The following CDKAL1 variants were observed in gnomAD, a reference collection of about 807,000 sequenced individuals.
CDKAL1 encodes the protein CDKAL1 threonylcarbamoyladenosine tRNA methylthiotransferase, also known as threonylcarbamoyladenosine tRNA methylthiotransferase.
A neutral mutation model predicts 68.2 loss-of-function variants in CDKAL1; 32 were observed. The observed-to-expected ratio is 0.47, with a 90% CI of 0.35 to 0.63. The LOEUF (loss-of-function observed/expected upper bound fraction) is 0.63, where lower values mean the gene tolerates loss of function less well. Ranked by LOEUF, CDKAL1 falls within the 30% of genes least tolerant of loss-of-function variation. CDKAL1 has a pLI of 0.00. For synonymous variants in CDKAL1, 234 were observed against 244.3 expected (o/e 0.96, Z 0.39); for missense variants, 606 against 696.7 (o/e 0.87, Z 1.47).
intron 8 of CDKAL1, among the ~76,000 whole-genome samples, chr6:20,783,536 A>G (rs1230287578): frequency 6.6e-6 from 1 of 152,156 alleles, no homozygotes; most frequent in Non-Finnish European, 1.5e-5. Context: ...GCCTCCCTGT[A>G]GGTTGAAGGG....
chr6:21,200,503 A>G (rs1005695647), intron 14 of CDKAL1, among the ~76,000 whole-genome samples: 5 of 152,222 alleles, frequency 3.3e-5, no homozygotes, highest in Admixed American at 3.3e-4. Flanking sequence ...GCACGGACAC[A>G]AACACGCAGG....
intron 9 of CDKAL1, among the ~76,000 whole-genome samples, chr6:20,859,794 T>C (rs2150520765): frequency 6.6e-6 from 1 of 152,342 alleles, no homozygotes; most frequent in Admixed American, 6.5e-5. Context: ...TGAGATCCCA[T>C]GTGATCTGGC....
At chr6:20,568,650 G>A (rs997017265) in intron 4 of CDKAL1, among the ~76,000 whole-genome samples, 2 of 150,736 alleles carry the variant, frequency 1.3e-5, no homozygotes, top group Non-Finnish European at 3.0e-5. Flanking sequence ...CAGGAGAATG[G>A]CGTGAACCTG....
chr6:21,132,517 ATT>A (rs1365268617), intron 13 of CDKAL1, among the ~76,000 whole-genome samples: 598 of 149,658 alleles, frequency 4.0e-3, no homozygotes, highest in African/African-American at 0.014. Flanking sequence ...ATATGTAGTC[ATT>A]CCTTTTTTTT....
chr6:20,992,555 G>T (rs1260920460), intron 10 of CDKAL1, among the ~76,000 whole-genome samples: 2 of 152,068 alleles, frequency 1.3e-5, no homozygotes, highest in African/African-American at 4.8e-5. Flanking sequence ...TGCATGAAAT[G>T]ATATATTTAA....
chr6:20,898,733 G>A (rs1761819133), intron 9 of CDKAL1, among the ~76,000 whole-genome samples: 1 of 152,008 alleles, frequency 6.6e-6, no homozygotes, highest in South Asian at 2.1e-4. Flanking sequence ...AATGTTTTGT[G>A]AAGTCAATCA....
At chr6:20,842,415 A>G (rs1778209880) in intron 8 of CDKAL1, among the ~76,000 whole-genome samples, 1 of 152,178 alleles carries the variant, frequency 6.6e-6, no homozygotes, top group East Asian at 1.9e-4. Flanking sequence ...AAATAAACAT[A>G]CAAGCAGTCA....
At chr6:21,178,967 GAA>G (rs1334442857) in intron 13 of CDKAL1, among the ~76,000 whole-genome samples, 1 of 152,188 alleles carries the variant, frequency 6.6e-6, no homozygotes, top group Non-Finnish European at 1.5e-5. Context: ...ATTTTTAACT[GAA>G]AAACAAAATC....
At chr6:20,833,583 A>G (rs894991660) in intron 8 of CDKAL1, among the ~76,000 whole-genome samples, 4 of 152,130 alleles carry the variant, frequency 2.6e-5, no homozygotes, top group Non-Finnish European at 5.9e-5. Context: ...ATGTCTATTC[A>G]TAATACTGGA....
chr6:21,057,589 C>G (rs139489868), intron 11 of CDKAL1, among the ~76,000 whole-genome samples: 1 of 151,710 alleles, frequency 6.6e-6, no homozygotes, highest in Non-Finnish European at 1.5e-5. Flanking sequence ...TCTTGGTTCT[C>G]TAGTTTTTTT....
intron 5 of CDKAL1, among the ~76,000 whole-genome samples, chr6:20,659,703 C>G (rs887404620): frequency 2.0e-4 from 30 of 152,148 alleles, no homozygotes; most frequent in Non-Finnish European, 4.0e-4. Flanking sequence ...TTGACTTCGC[C>G]ATTTGGATGA....
chr6:21,195,477 TTTTATTTATTTATTTATTTA>T (rs70993212), intron 13 of CDKAL1, among the ~76,000 whole-genome samples: 15,884 of 118,408 alleles, frequency 0.13, 1,213 homozygotes, highest in Non-Finnish European at 0.18. Flanking sequence ...GAGATGTTTT[TTTTATTTATTTATTTATTTA>T]TTTATTTATT....
chr6:20,613,436 G>T (rs551787157), intron 4 of CDKAL1, among the ~76,000 whole-genome samples: 1 of 150,058 alleles, frequency 6.7e-6, no homozygotes, highest in Admixed American at 6.6e-5. Context: ...CACCATACCC[G>T]GCTGATTTTT....
At chr6:21,013,033 CCTT>C (rs1272367408) in intron 11 of CDKAL1, among the ~76,000 whole-genome samples, 1 of 152,162 alleles carries the variant, frequency 6.6e-6, no homozygotes, top group African/African-American at 2.4e-5. Flanking sequence ...TGGCCTCTGT[CCTT>C]CTTCCCTACT....
chr6:21,192,236 TG>T (rs1390286608), intron 13 of CDKAL1, among the ~76,000 whole-genome samples: 1 of 150,678 alleles, frequency 6.6e-6, no homozygotes, highest in Non-Finnish European at 1.5e-5. Flanking sequence ...TTAGCCAGGA[TG>T]GTCTCGATCT....
At chr6:20,787,301 G>A (rs867343693) in intron 8 of CDKAL1, among the ~76,000 whole-genome samples, 4 of 152,028 alleles carry the variant, frequency 2.6e-5, no homozygotes, top group South Asian at 2.1e-4. Flanking sequence ...CTGGCTTTGC[G>A]AAAACTAACT....
At chr6:20,561,707 G>A (rs564795489) in intron 4 of CDKAL1, among the ~76,000 whole-genome samples, 1 of 152,168 alleles carries the variant, frequency 6.6e-6, no homozygotes, top group South Asian at 2.1e-4. Flanking sequence ...AGTAATTCAG[G>A]TGTTTTTTTG....
chr6:21,200,176 A>T (rs547807413), intron 14 of CDKAL1, among the ~76,000 whole-genome samples: 1 of 152,362 alleles, frequency 6.6e-6, no homozygotes, highest in African/African-American at 2.4e-5. Flanking sequence ...GAGACATCAC[A>T]CACACAAGCT....
chr6:20,632,314 C>T (rs1026971425), intron 4 of CDKAL1, among the ~76,000 whole-genome samples: 1 of 152,138 alleles, frequency 6.6e-6, no homozygotes, highest in Non-Finnish European at 1.5e-5. Context: ...CCCAGCATCT[C>T]GAGAGAGCGT....
Sources: allele counts gnomAD v4.1 joint callset (sites outside exome capture counted in the v4.1 genomes callset), GRCh38; gene constraint gnomAD v4.1.1; transcripts MANE v1.5; gene names NCBI Gene and HGNC (gene_info 2026-07-23, HGNC 2026-07-21).